The following TDRD5 variants were observed in gnomAD, a reference collection of about 807,000 sequenced individuals.
The protein encoded by TDRD5 is tudor domain containing 5.
In TDRD5, 41 loss-of-function variants were observed where a neutral mutation model predicts 120.6. The observed-to-expected ratio is 0.34, with a 90% CI of 0.26 to 0.44. TDRD5 has a LOEUF of 0.44. Ranked by LOEUF, TDRD5 falls within the 20% of genes least tolerant of loss-of-function variation. The pLI, the probability that TDRD5 is intolerant of heterozygous loss-of-function variation, is 1.00. For synonymous variants in TDRD5, 430 were observed against 433.7 expected (o/e 0.99, Z 0.11); for missense variants, 1,006 against 1,221.2 (o/e 0.82, Z 2.63).
chr1:179,637,041 A>T lies in TDRD5; in HGVS notation c.1520+1154A>T, dbSNP rs189001228. ...TAAAAATTGTCCTTTGTTAGCAAAC[A>T]CCATGTAAAATATGGACATTTTCAA... On this transcript the variant is annotated intron_variant, in intron 9 of 17. Coordinates refer to ENST00000444136, the MANE Select transcript of TDRD5 (RefSeq NM_001199085.3). Among the ~76,000 whole-genome samples the T allele has an allele frequency of 5.3e-5, 8 of 152,378 alleles. No individual in the cohort carries two copies. The East Asian group carries it at 1.3e-3, about 26-fold the overall frequency.
chr1:179,593,653 G>C lies in TDRD5; in HGVS notation c.426G>C (p.Leu142=), dbSNP rs766195935. The change falls in exon 3 of 18, where the codon CTG becomes CTC. Residue 142 remains leucine, a synonymous_variant. Transcript: ENST00000444136. ...PAVVKSELKD[L]LALSPVLLSD... is the part of the protein sequence containing the mutation. ...TTGTGAAGAGTGAGTTGAAGGACCT[G>C]TTGGCGTTATCTCCTGTTCTTCTTT... is the stretch of plus-strand genomic sequence containing the variant. 3.7e-6 allele frequency: 6 copies of C among 1,614,258 alleles called. No homozygotes were observed. The highest frequency in any genetic ancestry group is 5.1e-6 in the Non-Finnish European group (6 of 1,180,050).
chr1:179,638,396 T>A lies in TDRD5; in HGVS notation c.1521-1443T>A, dbSNP rs372741790. Among the ~76,000 whole-genome samples the A allele has an allele frequency of 2.3e-5, 3 of 128,380 alleles. 1 individual carries two copies. The South Asian group carries it at 7.9e-4, about 34-fold the overall frequency. The allele number at this position is 128,380 out of a possible 152,430, so 84.2% of individuals were successfully genotyped here. On this transcript the variant is annotated intron_variant, in intron 9 of 17. Coordinates refer to ENST00000444136, the MANE Select transcript of TDRD5 (RefSeq NM_001199085.3). ...AGGTTTGAGCTGGGGTGAAAACTTA[T>A]TAGTAGAAGTTCACCTGTAGTGTCT...
chr1:179,680,059 C>A (rs1456012078), intron 17 of TDRD5, among the ~76,000 whole-genome samples: 1 of 151,990 alleles, frequency 6.6e-6, no homozygotes, highest in Non-Finnish European at 1.5e-5. Flanking sequence ...TGTGAATTTT[C>A]TTCTTGACCT....
At chr1:179,654,453 C>T (rs992657857) in intron 14 of TDRD5, 91 bp downstream of exon 14, 2 of 1,303,262 alleles carry the variant, frequency 1.5e-6, no homozygotes, top group Non-Finnish European at 2.0e-6. Flanking sequence ...TCTGTTTAAA[C>T]CCCACTGCTT....
In TDRD5 at chr1:179,668,929, A is replaced by G. The variant is rs77721732; in HGVS notation, c.2650-265A>G. Among the ~76,000 whole-genome samples the G allele has an allele frequency of 6.5e-3, 981 of 151,742 alleles. 22 individuals are homozygous for G. The East Asian group carries it at 0.073, about 11-fold the overall frequency. ...AGCTAATTTTTTTTGTGTTTTTAGT[A>G]GAGACGGGGTTTCACCATGTTGGCC... On this transcript the variant is annotated intron_variant, in intron 16 of 17. Coordinates refer to ENST00000444136, the MANE Select transcript of TDRD5 (RefSeq NM_001199085.3).
chr1:179,619,326 G>T (rs1676724363), intron 5 of TDRD5, among the ~76,000 whole-genome samples: 1 of 152,074 alleles, frequency 6.6e-6, no homozygotes, highest in African/African-American at 2.4e-5. Context: ...TTTTTTATGT[G>T]AATTGCCTGT....
intron 1 of TDRD5, chr1:179,592,380 A>C: frequency 4.1e-6 from 2 of 484,538 alleles, no homozygotes; most frequent in East Asian, 3.8e-5. Context: ...CCGCATGGCC[A>C]GGGGCAGAGT....
At chr1:179,608,819 G>C (rs1041163170) in intron 4 of TDRD5, among the ~76,000 whole-genome samples, 1 of 151,606 alleles carries the variant, frequency 6.6e-6, no homozygotes, top group Non-Finnish European at 1.5e-5. Context: ...CTGGATGCTA[G>C]ACCATTGTGA....
intron 17 of TDRD5, among the ~76,000 whole-genome samples, chr1:179,679,465 G>A (rs1417157325): frequency 2.0e-5 from 3 of 151,984 alleles, no homozygotes; most frequent in South Asian, 4.1e-4. Context: ...TTCCTTAAAT[G>A]TTTGGTAGAA....
intron 4 of TDRD5, among the ~76,000 whole-genome samples, chr1:179,613,502 G>A (rs1056765523): frequency 1.3e-5 from 2 of 152,176 alleles, no homozygotes; most frequent in African/African-American, 4.8e-5. Context: ...AAACTGGGTG[G>A]CTTGTAAACA....
At chr1:179,592,406 C>T in intron 1 of TDRD5, 196 bp from the exon 2 acceptor site, 1 of 540,042 alleles carries the variant, frequency 1.9e-6, no homozygotes, top group Non-Finnish European at 3.3e-6. Flanking sequence ...ACACCTGTAG[C>T]TTAATCAACG....
rs1380498111 is a variant in TDRD5 at position 179,645,091 on chromosome 1, T to C, written c.1800+4646T>C. Reference sequence around the variant, plus strand: ...AAACATTTTTCTTTTTTTTTTTTTTTTTTTTTTTTTTTGAGACGGAGTCTC... The same window carrying C: ...AAACATTTTTCTTTTTTTTTTTTTTCTTTTTTTTTTTTGAGACGGAGTCTC... On this transcript the variant is annotated intron_variant, in intron 11 of 17. Transcript: ENST00000444136. Among the ~76,000 whole-genome samples the C allele has an allele frequency of 1.7e-4, 24 of 137,840 alleles. 2 individuals carry two copies. The highest frequency in any genetic ancestry group is 4.8e-4 in the South Asian group (2 of 4,124). The allele number at this position is 137,840 out of a possible 152,430, so 90.4% of individuals were successfully genotyped here.
At chr1:179,592,476 A>G (rs1487895642) in intron 1 of TDRD5, 126 bp from the exon 2 acceptor site, 93 of 713,888 alleles carry the variant, frequency 1.3e-4, no homozygotes, top group Non-Finnish European at 2.3e-5. Context: ...GCACCCTCAT[A>G]CTACTACTTC....
chr1:179,594,952 G>A (rs1446495749), intron 3 of TDRD5, among the ~76,000 whole-genome samples: 3 of 152,180 alleles, frequency 2.0e-5, no homozygotes, highest in Non-Finnish European at 4.4e-5. Flanking sequence ...ATAGTGGGGG[G>A]TGAATATTCC....
Position 179,663,473 on chromosome 1 carries a change from C to G in TDRD5, c.2631C>G (p.Gly877=). The part of the protein sequence containing the change: ...EVLGAQEKNT[G]TNRTQKQLDI... The stretch of plus-strand genomic sequence containing the variant: ...TGGGTGCTCAGGAAAAAAATACTGG[C>G]ACAAACAGGACTCAAAAGGTAAATG... The change falls in exon 16 of 18, where the codon GGC becomes GGG. Residue 877 remains glycine (G), a synonymous_variant. Coordinates refer to ENST00000444136, the MANE Select transcript of TDRD5 (RefSeq NM_001199085.3). The G allele has an allele frequency of 1.9e-6, 3 of 1,612,012 alleles. No homozygotes were observed. Among genetic ancestry groups the G allele is most frequent in the Non-Finnish European group, 2.5e-6 (3 of 1,179,460 alleles).
intron 16 of TDRD5, 44 bp downstream of exon 16, chr1:179,663,535 A>G (rs1344400852): frequency 6.4e-7 from 1 of 1,551,604 alleles, no homozygotes; most frequent in East Asian, 2.3e-5. Context: ...TGCATAAGGA[A>G]GTCCTTTCAT....
intron 14 of TDRD5, 150 bp downstream of exon 14, chr1:179,654,512 C>T: frequency 1.2e-6 from 1 of 866,994 alleles, no homozygotes; most frequent in Non-Finnish European, 1.6e-6. Flanking sequence ...CACCTGTAAT[C>T]CCAGCACTTT....
intron 5 of TDRD5, among the ~76,000 whole-genome samples, chr1:179,619,887 G>T (rs1352611500): frequency 6.6e-6 from 1 of 152,110 alleles, no homozygotes; most frequent in Non-Finnish European, 1.5e-5. Context: ...CCCAAAGGCT[G>T]GGATTACAAG....
chr1:179,596,792 A>G (rs753174988), intron 4 of TDRD5, among the ~76,000 whole-genome samples: 1 of 152,166 alleles, frequency 6.6e-6, no homozygotes, highest in Non-Finnish European at 1.5e-5. Context: ...TACATCTTGT[A>G]TGGCCATAGT....
Sources: allele counts gnomAD v4.1 joint callset (sites outside exome capture counted in the v4.1 genomes callset), GRCh38; gene constraint gnomAD v4.1.1; transcripts MANE v1.5; gene names NCBI Gene and HGNC (gene_info 2026-07-23, HGNC 2026-07-21).